ZNF618: variants seen among roughly 807,000 people sequenced by gnomAD.
The protein encoded by ZNF618 is neural precursor cell expressed, developmentally down-regulated 10.
ZNF618 carries 34 observed loss-of-function variants against 103.0 expected under a neutral mutation model. That is an observed-to-expected ratio of 0.33 (90% CI 0.25 to 0.44). The LOEUF is 0.44. Ranked by LOEUF, ZNF618 falls within the 20% of genes least tolerant of loss-of-function variation. ZNF618 has a pLI of 1.00. For missense variants in ZNF618, 1,059 were observed against 1,295.4 expected (o/e 0.82, Z 2.80); for synonymous variants, 551 against 542.2 (o/e 1.02, Z -0.23).
In ZNF618 at chr9:113,878,294, CACTT is replaced by C. The variant is rs58488170; in HGVS notation, c.33+1886_33+1889del. The stretch of plus-strand genomic sequence containing the variant: ...TTCTTATCCATCTTCCTTGGTAGAA[CACTT>C]ACTTTGCTGAAGAAATGTGATATAA... On this transcript the variant is annotated intron_variant, in intron 1 of 14. Transcript: ENST00000374126. Among the ~76,000 whole-genome samples, 558 of 152,050 alleles carry C rather than the reference CACTT, an allele frequency of 3.7e-3. 4 individuals are homozygous for C. Among genetic ancestry groups the C allele is most frequent in the African/African-American group, 0.013 (531 of 41,466 alleles).
intron 1 of ZNF618, among the ~76,000 whole-genome samples, chr9:113,966,111 G>C (rs1269279239): frequency 1.3e-5 from 2 of 152,134 alleles, no homozygotes; most frequent in Admixed American, 1.3e-4. Flanking sequence ...CTATAGGGTT[G>C]TCAGTGATTA....
At chr9:113,899,878 A>G (rs1353962779) in intron 1 of ZNF618, among the ~76,000 whole-genome samples, 2 of 152,102 alleles carry the variant, frequency 1.3e-5, no homozygotes, top group African/African-American at 4.8e-5. Flanking sequence ...TTGTCTATTA[A>G]TGGATATATC....
chr9:114,007,489 T>C, intron 7 of ZNF618, 50 bp downstream of exon 7: 3 of 1,576,838 alleles, frequency 1.9e-6, no homozygotes, highest in Non-Finnish European at 2.6e-6. Context: ...GCGCCCTTCC[T>C]TGGAGACACC....
At chr9:114,036,632 G>T (rs925794769) in intron 13 of ZNF618, among the ~76,000 whole-genome samples, 1 of 152,258 alleles carries the variant, frequency 6.6e-6, no homozygotes, top group African/African-American at 2.4e-5. Flanking sequence ...GAGTTGAAGA[G>T]ACTTCCTGGA....
chr9:113,951,894 G>T (rs1238990725), intron 1 of ZNF618, among the ~76,000 whole-genome samples: 2 of 151,944 alleles, frequency 1.3e-5, no homozygotes, highest in Non-Finnish European at 2.9e-5. Context: ...AGTTGCCACC[G>T]CAAAGCCTGG....
chr9:113,927,486 AG>A (rs1300241951), intron 1 of ZNF618, among the ~76,000 whole-genome samples: 5 of 152,228 alleles, frequency 3.3e-5, no homozygotes, highest in African/African-American at 1.2e-4. Flanking sequence ...GGCGAGGGGT[AG>A]TGTTCTAGAA....
intron 1 of ZNF618, among the ~76,000 whole-genome samples, chr9:113,942,003 C>T (rs927236780): frequency 2.0e-5 from 3 of 152,162 alleles, no homozygotes; most frequent in African/African-American, 7.2e-5. Context: ...CAGCTCCTAC[C>T]ACATAGTGCT....
rs550732340 is a variant in ZNF618 at position 114,014,085 on chromosome 9, T to C, written c.755-2610T>C. On this transcript the variant is annotated intron_variant, in intron 9 of 14. Coordinates refer to ENST00000374126, the MANE Select transcript of ZNF618 (RefSeq NM_001318042.2). Reference sequence around the variant, plus strand: ...TAATTGTCTAAAACAATAGAGAAAATTGGAAAATAATGGAATATCAGAGAA... The same window carrying C: ...TAATTGTCTAAAACAATAGAGAAAACTGGAAAATAATGGAATATCAGAGAA... 3.3e-5 allele frequency among the ~76,000 whole-genome samples: 5 copies of C among 152,134 alleles called. No individual in the cohort carries two copies. The East Asian group carries it at 5.8e-4, about 18-fold the overall frequency.
At chr9:114,018,813 A>G (rs151268071) in intron 10 of ZNF618, among the ~76,000 whole-genome samples, 3 of 152,236 alleles carry the variant, frequency 2.0e-5, no homozygotes, top group Non-Finnish European at 4.4e-5. Flanking sequence ...TTACCTACTG[A>G]AGTCTGGGGA....
intron 1 of ZNF618, among the ~76,000 whole-genome samples, chr9:113,878,892 A>G (rs376374455): frequency 9.2e-5 from 14 of 152,306 alleles, no homozygotes; most frequent in East Asian, 7.7e-4. Flanking sequence ...ATATTTGACA[A>G]TGGCAGAGGT....
chr9:113,961,901 T>A (rs1199278769), intron 1 of ZNF618, among the ~76,000 whole-genome samples: 1 of 152,190 alleles, frequency 6.6e-6, no homozygotes, highest in Non-Finnish European at 1.5e-5. Flanking sequence ...GGTTTGGGGC[T>A]AAGTTTTATC....
In ZNF618 at chr9:114,054,942, A is replaced by ACCCCCCCG. The variant is rs1353908541; in HGVS notation, c.*4779_*4786dup. On this transcript the variant is annotated 3_prime_UTR_variant, in exon 15 of 15. Coordinates refer to ENST00000374126, the MANE Select transcript of ZNF618 (RefSeq NM_001318042.2). ...TTCATGCCCCGTCCCTTCCCCCCCC[A>ACCCCCCCG]CCCCCCCGCCCACCCACCACGGGTG... The ACCCCCCCG allele has an allele frequency of 1.0e-3, 48 of 46,366 alleles. No individual in the cohort carries two copies. The highest frequency in any genetic ancestry group is 3.6e-3 in the African/African-American group (45 of 12,586). The allele number at this position is 46,366 out of a possible 1,614,324, so 2.9% of individuals were successfully genotyped here.
intron 1 of ZNF618, among the ~76,000 whole-genome samples, chr9:113,944,240 T>TC (rs889491925): frequency 5.9e-5 from 9 of 152,172 alleles, no homozygotes; most frequent in African/African-American, 1.9e-4. Context: ...ATGCTCGTCT[T>TC]CCCCCTAGAG....
chr9:114,018,984 TGAG>T (rs1336180803), intron 10 of ZNF618, among the ~76,000 whole-genome samples: 2 of 152,146 alleles, frequency 1.3e-5, no homozygotes, highest in African/African-American at 4.8e-5. Flanking sequence ...GGGCTGGACT[TGAG>T]GGCTTCATCA....
At chr9:113,979,211 C>T (rs530067436) in intron 2 of ZNF618, among the ~76,000 whole-genome samples, 9 of 152,208 alleles carry the variant, frequency 5.9e-5, no homozygotes, top group Admixed American at 2.6e-4. Context: ...TTTCCAGAAC[C>T]GCTGGTGGGA....
intron 4 of ZNF618, among the ~76,000 whole-genome samples, chr9:114,000,528 G>A (rs114704909): frequency 0.018 from 2,503 of 137,796 alleles, 67 homozygotes; most frequent in African/African-American, 0.06. Context: ...TGTATTTTAT[G>A]TGTGGCCCAA....
chr9:114,054,972 T>C lies in ZNF618; in HGVS notation c.*4805T>C, dbSNP rs1333602596. The C allele has an allele frequency of 9.4e-6, 1 of 106,350 alleles. No individual in the cohort carries two copies. The highest frequency in any genetic ancestry group is 1.8e-5 in the Non-Finnish European group (1 of 56,010). The allele number at this position is 106,350 out of a possible 1,614,324, so 6.6% of individuals were successfully genotyped here. ...CCCGCCCACCCACCACGGGTGTCGC[T>C]TTAAAGAGTCAATTCTTGTACAGAG... On this transcript the variant is annotated 3_prime_UTR_variant, in exon 15 of 15. Transcript: ENST00000374126.
chr9:113,880,352 C>G (rs938230273), intron 1 of ZNF618, among the ~76,000 whole-genome samples: 3 of 152,078 alleles, frequency 2.0e-5, no homozygotes, highest in African/African-American at 7.2e-5. Flanking sequence ...TCCTTCAGAG[C>G]CTCAATTTTT....
intron 2 of ZNF618, among the ~76,000 whole-genome samples, chr9:113,977,058 A>G (rs1289963847): frequency 1.3e-5 from 2 of 152,162 alleles, no homozygotes. Context: ...TGAGCAAACC[A>G]GGGCTGAGTT....
Sources: allele counts gnomAD v4.1 joint callset (sites outside exome capture counted in the v4.1 genomes callset), GRCh38; gene constraint gnomAD v4.1.1; transcripts MANE v1.5; gene names NCBI Gene and HGNC (gene_info 2026-07-23, HGNC 2026-07-21).